Variants in C2orf76 observed in about 807,000 individuals in gnomAD.
C2orf76 encodes the protein UPF0538 protein C2orf76.
Under a neutral mutation model 16.9 loss-of-function variants are expected in C2orf76, and 23 were observed. The observed-to-expected ratio is 1.36, with a 90% CI of 0.98 to 1.93. C2orf76 has a LOEUF of 1.93. Ranked by LOEUF, C2orf76 falls within the 30% of genes most tolerant of loss-of-function variation. The pLI, the probability that C2orf76 is intolerant of heterozygous loss-of-function variation, is 0.00. For missense variants in C2orf76, 152 were observed against 152.6 expected, an observed-to-expected ratio of 1.00 and a Z score of 0.02; for synonymous variants, 48 against 52.3, an observed-to-expected ratio of 0.92 and a Z score of 0.35.
At chr2:119,307,170 T>C (rs181050013) in intron 5 of C2orf76, among the ~76,000 whole-genome samples, 1 of 152,192 alleles carries the variant, frequency 6.6e-6, no homozygotes, top group Non-Finnish European at 1.5e-5. Flanking sequence ...CCAGGCACAA[T>C]GACTCACGCC....
At chr2:119,301,076 A>AACACACACACACACACACACAC (rs57577702), downstream of C2orf76, among the ~76,000 whole-genome samples, 55 of 146,240 alleles carry the variant, frequency 3.8e-4, 1 homozygote, top group South Asian at 7.3e-3. Flanking sequence ...ACTTCTTAAA[A>AACACACACACACACACACACAC]ACACACACAC....
chr2:119,311,312 AATG>A (rs1386258769), intron 5 of C2orf76: 2 of 985,324 alleles, frequency 2.0e-6, no homozygotes, highest in Non-Finnish European at 2.4e-6. Flanking sequence ...CTCAAGTGAC[AATG>A]ATAAGAGTAA....
chr2:119,331,671 C>T (rs192521859), intron 2 of C2orf76, among the ~76,000 whole-genome samples: 1 of 152,290 alleles, frequency 6.6e-6, no homozygotes, highest in Non-Finnish European at 1.5e-5. Context: ...GCCCTGTGGC[C>T]TGGAAAGTGG....
chr2:119,284,681 GTT>G, the C2orf76 span, among the ~76,000 whole-genome samples: 4 of 133,784 alleles, frequency 3.0e-5, no homozygotes, highest in Non-Finnish European at 1.6e-5. Context: ...TGGGATTTTG[GTT>G]TTTTTTTTTT....
At chr2:119,363,563 C>A (rs759793238) in intron 1 of C2orf76, among the ~76,000 whole-genome samples, 60 of 152,156 alleles carry the variant, frequency 3.9e-4, no homozygotes, top group Non-Finnish European at 1.6e-4. Flanking sequence ...TAACCCTCGC[C>A]TTATAGTAAC....
the C2orf76 span, among the ~76,000 whole-genome samples, chr2:119,289,000 G>C: frequency 6.6e-6 from 1 of 152,050 alleles, no homozygotes; most frequent in South Asian, 2.1e-4. Flanking sequence ...TCTTCAAGCT[G>C]CTCTACTTTC....
At chr2:119,350,140 C>A (rs924748651) in intron 1 of C2orf76, among the ~76,000 whole-genome samples, 8 of 128,398 alleles carry the variant, frequency 6.2e-5, no homozygotes, top group African/African-American at 2.3e-4. Flanking sequence ...GGAAAAAAAA[C>A]CTGATTTCTT....
the C2orf76 span, among the ~76,000 whole-genome samples, chr2:119,286,557 G>A: frequency 6.6e-6 from 1 of 152,160 alleles, no homozygotes; most frequent in South Asian, 2.1e-4. Flanking sequence ...GGAGAAGCTG[G>A]AGATGTAGCC....
At chr2:119,341,294 C>A (rs576758130) in intron 1 of C2orf76, among the ~76,000 whole-genome samples, 66 of 152,244 alleles carry the variant, frequency 4.3e-4, no homozygotes, top group African/African-American at 1.5e-3. Context: ...TAGGTGTGAG[C>A]CACCATGCCC....
At chr2:119,324,267 C>G (rs1400465927) in intron 2 of C2orf76, among the ~76,000 whole-genome samples, 1 of 152,208 alleles carries the variant, frequency 6.6e-6, no homozygotes, top group African/African-American at 2.4e-5. Context: ...GACCAGGACA[C>G]AGCGAGCACC....
At chr2:119,339,718 AG>A in intron 2 of C2orf76, 108 bp downstream of exon 2, 3 of 1,239,360 alleles carry the variant, frequency 2.4e-6, no homozygotes, top group Non-Finnish European at 3.4e-6. Context: ...CTTGGAACCC[AG>A]GTTAATCTTT....
At chr2:119,314,981 G>A (rs374854905) in intron 4 of C2orf76, among the ~76,000 whole-genome samples, 17 of 152,138 alleles carry the variant, frequency 1.1e-4, no homozygotes, top group East Asian at 3.8e-4. Flanking sequence ...GTTTAGATGC[G>A]TATTTTCAAG....
At chr2:119,361,238 C>G (rs1489069035) in intron 1 of C2orf76, among the ~76,000 whole-genome samples, 2 of 152,194 alleles carry the variant, frequency 1.3e-5, no homozygotes, top group African/African-American at 2.4e-5. Flanking sequence ...CCACGGCCAA[C>G]CACTGTCCAA....
intron 2 of C2orf76, among the ~76,000 whole-genome samples, chr2:119,330,744 CCA>C (rs1328027066): frequency 6.6e-6 from 1 of 152,022 alleles, no homozygotes; most frequent in Admixed American, 6.6e-5. Context: ...TTTATTTTTT[CCA>C]GTCTTTTCCT....
rs368623211 is a variant in C2orf76, at chr2:119,314,014, G to GTTTTTTTT, written c.223-2319_223-2312dup. 2.4e-3 allele frequency among the ~76,000 whole-genome samples: 206 copies of GTTTTTTTT among 86,118 alleles called. 12 individuals are homozygous for GTTTTTTTT. Among genetic ancestry groups the GTTTTTTTT allele is most frequent in the South Asian group, 0.013 (27 of 2,076 alleles). The allele number at this position is 86,118 out of a possible 152,430, so 56.5% of individuals were successfully genotyped here. A position where few individuals can be genotyped will look rare whatever the true frequency, so the allele number is the denominator to read the frequency against. Reference sequence around the variant, plus strand: ...CATTTGTTCCTTGCTTTTCTCAGTGGTTTTTTTTTTTTTTTTTTTTTTTAC... The same window carrying GTTTTTTTT: ...CATTTGTTCCTTGCTTTTCTCAGTGGTTTTTTTTTTTTTTTTTTTTTTTTTTTTTTTAC... On this transcript the variant is annotated intron_variant, in intron 4 of 5. Coordinates refer to ENST00000334816, the MANE Select transcript of C2orf76 (RefSeq NM_001322331.2).
chr2:119,285,339 T>C, the C2orf76 span, among the ~76,000 whole-genome samples: 53 of 152,360 alleles, frequency 3.5e-4, no homozygotes, highest in African/African-American at 1.2e-3. Context: ...ACAAATCATA[T>C]GGTGAAGGAA....
At chr2:119,293,489 G>C in the C2orf76 span, among the ~76,000 whole-genome samples, 3 of 152,264 alleles carry the variant, frequency 2.0e-5, no homozygotes, top group Admixed American at 1.3e-4. Context: ...GTTTTGAACT[G>C]AGGCATGACA....
intron 2 of C2orf76, among the ~76,000 whole-genome samples, chr2:119,335,352 A>G (rs1001503155): frequency 6.6e-6 from 1 of 152,198 alleles, no homozygotes; most frequent in African/African-American, 2.4e-5. Flanking sequence ...ACTAAAAAAG[A>G]ACTGAGACTC....
chr2:119,287,873 T>C, the C2orf76 span, among the ~76,000 whole-genome samples: 181 of 152,330 alleles, frequency 1.2e-3, no homozygotes, highest in Non-Finnish European at 2.0e-3. Context: ...TAGTTGGTTG[T>C]GTTGGGAGAG....
Sources: gnomAD v4.1 joint callset for allele counts (sites outside exome capture counted in the v4.1 genomes callset) on GRCh38, gnomAD v4.1.1 for gene constraint, MANE v1.5 for transcripts, NCBI Gene and HGNC (gene_info 2026-07-23, HGNC 2026-07-21) for gene names.